UBE2D3: variants seen among roughly 807,000 people sequenced by gnomAD.
The protein encoded by UBE2D3 is ubiquitin-conjugating enzyme E2 D3.
UBE2D3 carries 2 observed loss-of-function variants against 22.8 expected under a neutral mutation model. The observed-to-expected ratio is 0.09, with a 90% CI of 0.04 to 0.28. The LOEUF (loss-of-function observed/expected upper bound fraction) is 0.28, where lower values mean the gene tolerates loss of function less well. Among genes scored for constraint, UBE2D3 ranks in the 10% least tolerant of loss-of-function variants. The pLI is 1.00. For missense variants in UBE2D3, 27 were observed against 182.5 expected (o/e 0.15, Z 4.91); for synonymous variants, 56 against 60.4 (o/e 0.93, Z 0.34).
chr4:102,794,719 CTG>C lies in UBE2D3; in HGVS notation c.*2694_*2695del, dbSNP rs1725095412. The C allele has an allele frequency of 6.6e-6, 1 of 151,630 alleles. No individual in the cohort carries two copies. Among genetic ancestry groups the C allele is most frequent in the African/African-American group, 2.4e-5 (1 of 41,288 alleles). The allele number at this position is 151,630 out of a possible 1,614,324, so 9.4% of individuals were successfully genotyped here. ...CACTACCCCTGAGACCACTAGTTAA[CTG>C]TGGTTCATACTTTAAAATGTGAGTA... On this transcript the variant is annotated 3_prime_UTR_variant, in exon 8 of 8. Transcript: ENST00000453744.
At chr4:102,798,275 A>AAGGAAT (rs1725518686) in intron 7 of UBE2D3, among the ~76,000 whole-genome samples, 2 of 45,550 alleles carry the variant, frequency 4.4e-5, no homozygotes, top group African/African-American at 1.8e-4. Flanking sequence ...AACCTTAAGA[A>AAGGAAT]ATGAATATAT....
intron 1 of UBE2D3, among the ~76,000 whole-genome samples, chr4:102,867,175 T>A (rs1733186293): frequency 6.6e-6 from 1 of 152,226 alleles, no homozygotes; most frequent in Admixed American, 6.5e-5. Flanking sequence ...ATCTAGATTT[T>A]GGTCAACTCT....
At chr4:102,826,358 C>G in intron 2 of UBE2D3, 127 bp downstream of exon 2, 1 of 1,182,058 alleles carries the variant, frequency 8.5e-7, no homozygotes. Flanking sequence ...CGTTCTCCAT[C>G]CCCCCATGGA....
At chr4:102,830,984 G>A (rs1731086693), upstream of UBE2D3, among the ~76,000 whole-genome samples, 1 of 151,912 alleles carries the variant, frequency 6.6e-6, no homozygotes. Flanking sequence ...GAGAGTAAGG[G>A]GTTAATTAGA....
chr4:102,810,165 G>T, intron 2 of UBE2D3: 1 of 238,346 alleles, frequency 4.2e-6, no homozygotes, highest in Non-Finnish European at 8.2e-6. Flanking sequence ...GCTTAGACCA[G>T]AGAGAGCTCA....
intron 2 of UBE2D3, chr4:102,811,392 A>G (rs765819065): frequency 6.5e-6 from 1 of 153,684 alleles, no homozygotes; most frequent in Non-Finnish European, 1.4e-5. Context: ...ACAAGACCAA[A>G]AAAGCTAGAC....
At chr4:102,808,821 T>C (rs1017912951) in intron 4 of UBE2D3, among the ~76,000 whole-genome samples, 2 of 152,212 alleles carry the variant, frequency 1.3e-5, no homozygotes, top group Admixed American at 1.3e-4. Flanking sequence ...AATTACTAAA[T>C]AAATACTTGT....
intron 6 of UBE2D3, among the ~76,000 whole-genome samples, chr4:102,800,185 T>C (rs1005706609): frequency 1.3e-5 from 2 of 152,074 alleles, no homozygotes; most frequent in Admixed American, 6.6e-5. Context: ...GGTGCTGTTA[T>C]AAAATGTTAA....
chr4:102,857,765 C>G lies in UBE2D3; in HGVS notation c.-129+10950G>C, dbSNP rs544563363. Reference sequence around the variant, plus strand: ...CTGGAGTGCAGTGCTGCGATCTCAGCTTATTACAACCTCTGCCTCCCGGGT... The same window carrying G: ...CTGGAGTGCAGTGCTGCGATCTCAGGTTATTACAACCTCTGCCTCCCGGGT... On this transcript the variant is annotated intron_variant, in intron 1 of 7. Coordinates refer to the UBE2D3 transcript ENST00000338145. Among the ~76,000 whole-genome samples, 8 of 152,270 alleles carry G rather than the reference C, an allele frequency of 5.3e-5. No individual in the cohort carries two copies. The South Asian group carries it at 1.5e-3, about 28-fold the overall frequency.
At chr4:102,838,234 A>G (rs1220288551) in intron 1 of UBE2D3, among the ~76,000 whole-genome samples, 3 of 152,336 alleles carry the variant, frequency 2.0e-5, no homozygotes, top group South Asian at 4.1e-4. Context: ...AACCCACAGT[A>G]TCTCTGAGGT....
intron 1 of UBE2D3, among the ~76,000 whole-genome samples, chr4:102,840,326 G>T (rs1731678116): frequency 1.3e-5 from 2 of 152,196 alleles, no homozygotes; most frequent in Non-Finnish European, 2.9e-5. Context: ...TTACGTGTCC[G>T]TCAACAGATG....
intron 1 of UBE2D3, among the ~76,000 whole-genome samples, chr4:102,836,469 C>T (rs1578282088): frequency 6.6e-6 from 1 of 152,022 alleles, no homozygotes; most frequent in African/African-American, 2.4e-5. Context: ...TGTCTTATTA[C>T]AAATAGGGCT....
At chr4:102,836,805 C>T (rs1241098929) in intron 1 of UBE2D3, among the ~76,000 whole-genome samples, 1 of 152,210 alleles carries the variant, frequency 6.6e-6, no homozygotes, top group Non-Finnish European at 1.5e-5. Flanking sequence ...TTGTCATCCA[C>T]ATATCTTCTT....
upstream of UBE2D3, among the ~76,000 whole-genome samples, chr4:102,832,034 T>C (rs1731142405): frequency 6.6e-6 from 1 of 152,170 alleles, no homozygotes. Context: ...CCAGTAAGCA[T>C]CAGACAACAT....
chr4:102,845,440 C>G (rs1305492402), intron 1 of UBE2D3, among the ~76,000 whole-genome samples: 1 of 152,074 alleles, frequency 6.6e-6, no homozygotes, highest in Admixed American at 6.6e-5. Flanking sequence ...CTAAGGTGTT[C>G]TAATGTACAG....
At chr4:102,827,852 C>T, upstream of UBE2D3, 2 of 985,718 alleles carry the variant, frequency 2.0e-6, no homozygotes, top group South Asian at 4.7e-5. Flanking sequence ...GCATCGAGAA[C>T]CGGAAGGAGA....
chr4:102,856,984 C>A (rs142850926), intron 1 of UBE2D3, among the ~76,000 whole-genome samples: 180 of 152,266 alleles, frequency 1.2e-3, no homozygotes, highest in African/African-American at 4.3e-3. Flanking sequence ...GGACACATGA[C>A]ACTATGCAGT....
chr4:102,826,705 T>A (rs1578270195), intron 1 of UBE2D3, 69 bp from the exon 2 acceptor site: 1 of 1,450,124 alleles, frequency 6.9e-7, no homozygotes, highest in Non-Finnish European at 9.0e-7. Flanking sequence ...TCCAGGTCCC[T>A]TAAGACAGCC....
chr4:102,859,339 T>C (rs223346), intron 1 of UBE2D3, among the ~76,000 whole-genome samples: 83,463 of 151,724 alleles, frequency 0.55, 24,312 homozygotes, highest in African/African-American at 0.71. Context: ...TCAAATTCTT[T>C]GTCATTAACT....
Sources: gnomAD v4.1 joint callset for allele counts (sites outside exome capture counted in the v4.1 genomes callset) on GRCh38, gnomAD v4.1.1 for gene constraint, MANE v1.5 for transcripts, NCBI Gene and HGNC (gene_info 2026-07-23, HGNC 2026-07-21) for gene names.